DNAAF9: variants seen among roughly 807,000 people sequenced by gnomAD.
The protein encoded by DNAAF9 is shulin.
DNAAF9 carries 90 observed loss-of-function variants against 167.0 expected under a neutral mutation model. The observed-to-expected ratio is 0.54, with a 90% CI of 0.45 to 0.64. The LOEUF (loss-of-function observed/expected upper bound fraction) is 0.64. Among genes scored for constraint, DNAAF9 ranks in the 30% least tolerant of loss-of-function variants. DNAAF9 has a pLI of 0.00. For synonymous variants in DNAAF9, 491 were observed against 508.8 expected (o/e 0.96, Z 0.47); for missense variants, 1,315 against 1,442.2 (o/e 0.91, Z 1.43).
intron 30 of DNAAF9, among the ~76,000 whole-genome samples, chr20:3,267,201 T>C (rs957444846): frequency 2.6e-5 from 4 of 152,198 alleles, no homozygotes; most frequent in African/African-American, 9.7e-5. Flanking sequence ...ATTCCATGTG[T>C]TATAATTCAT....
chr20:3,343,346 A>G (rs1262201031), intron 9 of DNAAF9, among the ~76,000 whole-genome samples: 2 of 152,196 alleles, frequency 1.3e-5, no homozygotes, highest in Admixed American at 1.3e-4. Flanking sequence ...TATTTTTAGT[A>G]GAGATGGTCA....
intron 7 of DNAAF9, among the ~76,000 whole-genome samples, chr20:3,349,845 G>A (rs1352680184): frequency 6.6e-6 from 1 of 152,018 alleles, no homozygotes; most frequent in East Asian, 1.9e-4. Flanking sequence ...CTAATAATTT[G>A]TACTCAAATT....
At chr20:3,301,083 C>T (rs2069177978) in intron 21 of DNAAF9, among the ~76,000 whole-genome samples, 1 of 151,012 alleles carries the variant, frequency 6.6e-6, no homozygotes, top group Non-Finnish European at 1.5e-5. Flanking sequence ...GGTACAATCA[C>T]AGCTCATTGC....
intron 6 of DNAAF9, among the ~76,000 whole-genome samples, chr20:3,371,707 C>A (rs1486861860): frequency 6.6e-6 from 1 of 152,102 alleles, no homozygotes; most frequent in Non-Finnish European, 1.5e-5. Flanking sequence ...CTCTTTCTTA[C>A]ATTTTGTTGA....
intron 8 of DNAAF9, among the ~76,000 whole-genome samples, chr20:3,348,095 AGGCTGTCCTGTGTCTT>A (rs2070232044): frequency 6.6e-6 from 1 of 152,084 alleles, no homozygotes; most frequent in Non-Finnish European, 1.5e-5. Flanking sequence ...TTAGTTTTTG[AGGCTGTCCTGTGTCTT>A]GGTTGTCAAT....
At chr20:3,264,006 G>C (rs1414264789) in intron 31 of DNAAF9, among the ~76,000 whole-genome samples, 1 of 152,196 alleles carries the variant, frequency 6.6e-6, no homozygotes, top group Non-Finnish European at 1.5e-5. Context: ...AGGCTGTGCA[G>C]CATCCTACAG....
rs1014415884 is a variant in DNAAF9 at position 3,251,901 on chromosome 20, C to T, written c.*671G>A. ...GGAAAAGCTGATGTCAACTTAAGAG[C>T]CACACACCTCTGGAAAGCAACAAGC... On this transcript the variant is annotated 3_prime_UTR_variant, in exon 37 of 37. Transcript: ENST00000252032. 3 of 152,456 alleles carry T rather than the reference C, an allele frequency of 2.0e-5. No homozygotes were observed. Among genetic ancestry groups the T allele is most frequent in the African/African-American group, 7.2e-5 (3 of 41,480 alleles). The allele number at this position is 152,456 out of a possible 1,614,324, so 9.4% of individuals were successfully genotyped here.
chr20:3,308,412 T>G (rs6133028), intron 20 of DNAAF9, among the ~76,000 whole-genome samples: 36,902 of 148,922 alleles, frequency 0.25, 5,137 homozygotes, highest in African/African-American at 0.37. Flanking sequence ...GTGCCATCTC[T>G]GCTCACTGCA....
chr20:3,395,641 G>T (rs963350513), intron 1 of DNAAF9, among the ~76,000 whole-genome samples: 1 of 152,062 alleles, frequency 6.6e-6, no homozygotes, highest in African/African-American at 2.4e-5. Flanking sequence ...AAACTCTTCT[G>T]CTGGGAATTT....
At chr20:3,318,562 G>A (rs2069551571) in intron 16 of DNAAF9, among the ~76,000 whole-genome samples, 162 bp from the exon 17 acceptor site, 1 of 152,158 alleles carries the variant, frequency 6.6e-6, no homozygotes, top group African/African-American at 2.4e-5. Flanking sequence ...TTTGAACTGG[G>A]AGGTGACTTT....
chr20:3,364,289 T>G (rs1350777760), intron 6 of DNAAF9, among the ~76,000 whole-genome samples: 1 of 152,238 alleles, frequency 6.6e-6, no homozygotes, highest in African/African-American at 2.4e-5. Context: ...CCTGATGATC[T>G]CTGGATGCCA....
In DNAAF9 at chr20:3,252,599, A is replaced by G; in HGVS notation, c.3507T>C (p.Tyr1169=). 6.2e-7 allele frequency: 1 copy of G among 1,609,868 alleles called. No individual in the cohort carries two copies. The highest frequency in any genetic ancestry group is 8.5e-7 in the Non-Finnish European group (1 of 1,176,138). Residue 1169 remains tyrosine, a synonymous_variant, in exon 37 of 37, where the codon TAT becomes TAC. Coordinates refer to ENST00000252032, the MANE Select transcript of DNAAF9 (RefSeq NM_001009984.3). ...KYNQELEQQE[Y]HDLFELKP The stretch of plus-strand genomic sequence containing the variant: ...AGGGCTTCAGCTCAAAGAGGTCATG[A>G]TACTCCTGCTGTTCCAGCTCCTGGT...
At chr20:3,363,531 CTTT>C (rs756444381) in intron 6 of DNAAF9, among the ~76,000 whole-genome samples, 15 of 120,562 alleles carry the variant, frequency 1.2e-4, no homozygotes, top group African/African-American at 2.1e-4. Context: ...AAAGCAAACT[CTTT>C]TTTTTTTTTT....
At chr20:3,335,574 T>C (rs565285829) in intron 10 of DNAAF9, among the ~76,000 whole-genome samples, 2 of 151,662 alleles carry the variant, frequency 1.3e-5, no homozygotes, top group African/African-American at 2.4e-5. Context: ...CTGGCCAACA[T>C]AGTGAAACCC....
chr20:3,361,195 C>A lies in DNAAF9; in HGVS notation c.613-1602G>T, dbSNP rs111281881. Among the ~76,000 whole-genome samples the A allele has an allele frequency of 4.5e-3, 686 of 152,208 alleles. 2 individuals are homozygous for A. The highest frequency in any genetic ancestry group is 0.013 in the African/African-American group (524 of 41,522). The stretch of plus-strand genomic sequence containing the variant: ...CTTGAGGAGGGAATAAAAAGCAGCA[C>A]CCCTCGATAAAGGTGGGGGAGAGAA... On this transcript the variant is annotated intron_variant, in intron 6 of 36. Transcript: ENST00000252032.
intron 29 of DNAAF9, among the ~76,000 whole-genome samples, chr20:3,272,259 G>A (rs1195457352): frequency 6.6e-6 from 1 of 152,022 alleles, no homozygotes; most frequent in Non-Finnish European, 1.5e-5. Flanking sequence ...GGAACCAAAG[G>A]AAGTCTACAT....
chr20:3,295,556 T>C (rs1357962872), intron 23 of DNAAF9: 1 of 353,888 alleles, frequency 2.8e-6, no homozygotes, highest in Non-Finnish European at 5.6e-6. Flanking sequence ...CAATGAGCAG[T>C]CACGAAGATG....
At chr20:3,294,056 G>T (rs2069017627) in intron 25 of DNAAF9, 83 bp downstream of exon 25, 1 of 793,868 alleles carries the variant, frequency 1.3e-6, no homozygotes, top group African/African-American at 1.7e-5. Flanking sequence ...AGTTCTTTTT[G>T]TTAACTGACA....
chr20:3,311,443 G>A (rs558167492), intron 20 of DNAAF9, among the ~76,000 whole-genome samples: 1 of 152,234 alleles, frequency 6.6e-6, no homozygotes, highest in East Asian at 1.9e-4. Context: ...AGAAACAAGA[G>A]TCTCACTCTG....
Sources: allele counts gnomAD v4.1 joint callset (sites outside exome capture counted in the v4.1 genomes callset), GRCh38; gene constraint gnomAD v4.1.1; transcripts MANE v1.5; gene names NCBI Gene and HGNC (gene_info 2026-07-23, HGNC 2026-07-21).